The following CNOT1 variants were observed in gnomAD, a reference collection of about 807,000 sequenced individuals.
The protein encoded by CNOT1 is CCR4-associated factor 1.
CNOT1 carries 15 observed loss-of-function variants against 273.8 expected under a neutral mutation model. The ratio of observed to expected loss-of-function variants is 0.05; its 90% CI spans 0.04 to 0.08. The LOEUF is 0.08. CNOT1 is among the 10% of genes least tolerant of loss of function. The pLI is 1.00. For missense variants in CNOT1, 1,644 were observed against 2,912.2 expected (o/e 0.56, Z 10.02); for synonymous variants, 1,022 against 1,005.5 (o/e 1.02, Z -0.31).
chr16:58,553,659 A>C, intron 22 of CNOT1, 123 bp downstream of exon 22: 1 of 1,242,590 alleles, frequency 8.0e-7, no homozygotes. Context: ...ATGTGTACCT[A>C]TATCATGCCA....
chr16:58,535,752 G>T (rs1223854294), intron 39 of CNOT1, among the ~76,000 whole-genome samples: 15 of 147,922 alleles, frequency 1.0e-4, no homozygotes, highest in Non-Finnish European at 6.0e-5. Context: ...AATTTTTTTT[G>T]AGACGGAGCC....
chr16:58,554,935 C>CATAAAAAAAAA (rs2040580522), intron 21 of CNOT1, among the ~76,000 whole-genome samples: 1 of 78,910 alleles, frequency 1.3e-5, no homozygotes, highest in Non-Finnish European at 2.4e-5. Context: ...GACTCCATCT[C>CATAAAAAAAAA]AAAAAAAAAA....
At chr16:58,584,700 A>G (rs1034870074) in intron 8 of CNOT1, among the ~76,000 whole-genome samples, 1 of 152,074 alleles carries the variant, frequency 6.6e-6, no homozygotes, top group African/African-American at 2.4e-5. Flanking sequence ...AGGCACAAGT[A>G]CAACACTCAC....
chr16:58,558,821 T>G, intron 17 of CNOT1, 147 bp from the exon 18 acceptor site: 1 of 1,153,490 alleles, frequency 8.7e-7, no homozygotes, highest in Non-Finnish European at 1.2e-6. Context: ...ATCCCAGTTA[T>G]CAAGTCAAGT....
chr16:58,616,640 G>A (rs1489405517), intron 1 of CNOT1, among the ~76,000 whole-genome samples: 1 of 152,046 alleles, frequency 6.6e-6, no homozygotes, highest in East Asian at 1.9e-4. Flanking sequence ...ACCCATCATA[G>A]TGCTTATTTT....
chr16:58,592,729 C>T lies in CNOT1; in HGVS notation c.103-3823G>A, dbSNP rs2042107027. On this transcript the variant is annotated intron_variant, in intron 2 of 48. Coordinates refer to ENST00000317147, the MANE Select transcript of CNOT1 (RefSeq NM_016284.5). ...AAATGCCCCAAAACATACAAATATC[C>T]TCTGTTCAAGTGATGAATCTGCAAC... is the stretch of plus-strand genomic sequence containing the variant. Among the ~76,000 whole-genome samples, 6 of 152,204 alleles carry T rather than the reference C, an allele frequency of 3.9e-5. 1 individual carries two copies. The South Asian group carries it at 1.2e-3, about 32-fold the overall frequency.
At chr16:58,584,036 C>T (rs1195757502) in intron 8 of CNOT1, among the ~76,000 whole-genome samples, 3 of 151,072 alleles carry the variant, frequency 2.0e-5, no homozygotes, top group Non-Finnish European at 2.9e-5. Context: ...GGCATGGTGG[C>T]GCTCACCTGT....
intron 10 of CNOT1, among the ~76,000 whole-genome samples, 196 bp downstream of exon 10, chr16:58,582,597 T>C (rs997416605): frequency 6.6e-6 from 1 of 152,214 alleles, no homozygotes; most frequent in Non-Finnish European, 1.5e-5. Context: ...AACTTAGAAG[T>C]AGCACCCCAA....
At chr16:58,626,532 C>T (rs950875817) in intron 1 of CNOT1, among the ~76,000 whole-genome samples, 13 of 151,474 alleles carry the variant, frequency 8.6e-5, no homozygotes, top group East Asian at 1.9e-4. Flanking sequence ...GAGGCCGACG[C>T]GGGTGGATCA....
intron 1 of CNOT1, among the ~76,000 whole-genome samples, chr16:58,600,006 T>C (rs1278685961): frequency 6.6e-6 from 1 of 151,244 alleles, no homozygotes; most frequent in Non-Finnish European, 1.5e-5. Flanking sequence ...GAGGGTGCAG[T>C]CAGCTGAGAT....
chr16:58,525,995 G>T lies in CNOT1; in HGVS notation c.6597C>A (p.Asn2199Lys), dbSNP rs187907917. The change falls in exon 45 of 49, where the codon AAC becomes AAA. Residue 2199 changes from asparagine (N) to lysine (K), a missense_variant. This residue lies in a region of CNOT1 where 140 missense variants were observed against 324.6 expected (regional missense o/e 0.43). Coordinates refer to ENST00000317147, the MANE Select transcript of CNOT1 (RefSeq NM_016284.5). Reference protein sequence around the residue: ...PVTFLSDLRSNLQVSNEPGNR... With the variant: ...PVTFLSDLRSKLQVSNEPGNR... Reference sequence around the variant, plus strand: ...TTAAGCCAAACCAATTAACCTGTAGGTTGCTGCGCAGATCAGACAGGAAAG... The same window carrying T: ...TTAAGCCAAACCAATTAACCTGTAGTTTGCTGCGCAGATCAGACAGGAAAG... The T allele has an allele frequency of 5.0e-6, 8 of 1,614,052 alleles. No individual in the cohort carries two copies. In the Admixed American group the frequency reaches 1.0e-4, roughly 20 times the overall value.
chr16:58,561,763 A>C (rs1470577827), intron 16 of CNOT1, among the ~76,000 whole-genome samples: 1 of 152,166 alleles, frequency 6.6e-6, no homozygotes, highest in African/African-American at 2.4e-5. Context: ...GTATAATGCA[A>C]ATGGTTTTTA....
chr16:58,523,335 T>G (rs180774956), intron 47 of CNOT1, 35 bp downstream of exon 47: 2 of 1,556,092 alleles, frequency 1.3e-6, no homozygotes, highest in Non-Finnish European at 1.7e-6. Flanking sequence ...GAGGAGATCC[T>G]TTTGAAGCAT....
intron 1 of CNOT1, among the ~76,000 whole-genome samples, chr16:58,625,606 C>T (rs532579112): frequency 2.3e-3 from 352 of 152,116 alleles, no homozygotes; most frequent in Admixed American, 3.9e-3. Context: ...ATCACTTGAA[C>T]CCGGGAGGCA....
At chr16:58,604,133 T>C (rs2042578921) in intron 1 of CNOT1, among the ~76,000 whole-genome samples, 1 of 152,200 alleles carries the variant, frequency 6.6e-6, no homozygotes. Context: ...ATAAGTGATT[T>C]AGCCTTAGTA....
intron 42 of CNOT1, 81 bp from the exon 43 acceptor site, chr16:58,530,428 G>T: frequency 1.1e-6 from 1 of 895,212 alleles, no homozygotes; most frequent in Non-Finnish European, 1.7e-6. Context: ...CAGCTACACT[G>T]ACTTATCTTC....
chr16:58,619,007 A>G (rs1231196724), intron 1 of CNOT1, among the ~76,000 whole-genome samples: 1 of 152,140 alleles, frequency 6.6e-6, no homozygotes, highest in Non-Finnish European at 1.5e-5. Context: ...AGGCTGAGCA[A>G]CATAGTGAGA....
At chr16:58,610,434 T>A (rs2042854201) in intron 1 of CNOT1, among the ~76,000 whole-genome samples, 1 of 151,706 alleles carries the variant, frequency 6.6e-6, no homozygotes, top group African/African-American at 2.4e-5. Flanking sequence ...CCAGGCGCGG[T>A]AGCTCATGCC....
At position 58,599,223 on chromosome 16, in the gene CNOT1, C is replaced by T. The variant is rs1381094405; in HGVS notation, c.102+13G>A. 3 of 1,613,892 alleles carry T rather than the reference C, an allele frequency of 1.9e-6. No homozygotes were observed. Among genetic ancestry groups the T allele is most frequent in the Non-Finnish European group, 2.5e-6 (3 of 1,180,006 alleles). ...TCCTTTAATGGCACTTGTTTTCTGG[C>T]TAGTTTACTTACATGCTGTATTTCC... On this transcript the variant is annotated intron_variant, in intron 2 of 48. Coordinates refer to ENST00000317147, the MANE Select transcript of CNOT1 (RefSeq NM_016284.5).
Sources: gnomAD v4.1 joint callset for allele counts (sites outside exome capture counted in the v4.1 genomes callset) on GRCh38, gnomAD v4.1.1 for gene constraint, gnomAD v4.1.1 regional missense constraint, MANE v1.5 for transcripts, NCBI Gene and HGNC (gene_info 2026-07-23, HGNC 2026-07-21) for gene names.